STK33: variants seen among roughly 807,000 people sequenced by gnomAD.
The protein encoded by STK33 is serine/threonine-protein kinase 33.
Under a neutral mutation model 58.0 loss-of-function variants are expected in STK33, and 52 were observed. That is an observed-to-expected ratio of 0.90 (90% CI 0.72 to 1.13). The LOEUF (loss-of-function observed/expected upper bound fraction) is 1.13, where lower values mean the gene tolerates loss of function less well. Ranked by LOEUF, STK33 falls within the 50% of genes most tolerant of loss-of-function variation. The probability of loss-of-function intolerance (pLI) is 0.00; values close to 1 mark genes in which losing one functional copy is unlikely to be tolerated. For missense variants in STK33, 630 were observed against 604.2 expected, an observed-to-expected ratio of 1.04 and a Z score of -0.45; for synonymous variants, 215 against 200.1, an observed-to-expected ratio of 1.07 and a Z score of -0.63.
intron 11 of STK33, among the ~76,000 whole-genome samples, chr11:8,445,174 G>A (rs1435888060): frequency 6.6e-6 from 1 of 151,980 alleles, no homozygotes; most frequent in African/African-American, 2.4e-5. Flanking sequence ...CCTCGATTTG[G>A]CTCTCTGTCT....
chr11:8,525,597 G>A (rs973864395), intron 1 of STK33, among the ~76,000 whole-genome samples: 1 of 152,114 alleles, frequency 6.6e-6, no homozygotes, highest in African/African-American at 2.4e-5. Flanking sequence ...ATTAATTTCA[G>A]GCGGATTATA....
At chr11:8,371,278 G>A in the STK33 span, among the ~76,000 whole-genome samples, 2 of 152,102 alleles carry the variant, frequency 1.3e-5, no homozygotes, top group African/African-American at 4.8e-5. Flanking sequence ...AGGAAGAGGA[G>A]AGGAGGGACC....
intron 14 of STK33, among the ~76,000 whole-genome samples, chr11:8,434,510 T>C (rs796461416): frequency 3.1e-4 from 47 of 152,286 alleles, no homozygotes; most frequent in African/African-American, 9.6e-4. Context: ...ATTGTATTAA[T>C]TGAAATTAGG....
the STK33 span, among the ~76,000 whole-genome samples, chr11:8,348,592 CA>C: frequency 2.0e-5 from 3 of 152,134 alleles, no homozygotes; most frequent in Admixed American, 2.0e-4. Flanking sequence ...GGGATAGAGC[CA>C]AACCATCTCA....
chr11:8,425,860 T>G (rs2136020139), intron 14 of STK33, among the ~76,000 whole-genome samples: 1 of 152,262 alleles, frequency 6.6e-6, no homozygotes, highest in Non-Finnish European at 1.5e-5. Context: ...TCGCTTCTTC[T>G]GTGTCCCGCG....
the STK33 span, among the ~76,000 whole-genome samples, chr11:8,360,658 C>A: frequency 2.0e-5 from 3 of 152,198 alleles, no homozygotes; most frequent in Non-Finnish European, 4.4e-5. Flanking sequence ...CCTGCTATTG[C>A]GGCTGCAGGA....
At chr11:8,592,943 C>T (rs1338642667) in intron 1 of STK33, among the ~76,000 whole-genome samples, 3 of 152,120 alleles carry the variant, frequency 2.0e-5, no homozygotes, top group Middle Eastern at 3.2e-3. Context: ...TACTACTGGA[C>T]AACAGATCAT....
intron 1 of STK33, among the ~76,000 whole-genome samples, chr11:8,557,304 G>GGGA (rs1554999901): frequency 8.3e-6 from 1 of 121,000 alleles, no homozygotes; most frequent in Non-Finnish European, 1.7e-5. Context: ...GAAGAGGAGA[G>GGGA]GGAGGAGGAG....
chr11:8,371,734 TCCCTCCCTCCCTCTCTCCCTCCC>T, the STK33 span, among the ~76,000 whole-genome samples: 1 of 123,720 alleles, frequency 8.1e-6, no homozygotes, highest in Non-Finnish European at 1.8e-5. Flanking sequence ...CCTTCTTCTC[TCCCTCCCTCCCTCTCTCCCTCCC>T]TTCCTCTTTC....
At chr11:8,448,033 A>G (rs1945739378) in intron 11 of STK33, among the ~76,000 whole-genome samples, 1 of 152,188 alleles carries the variant, frequency 6.6e-6, no homozygotes, top group Non-Finnish European at 1.5e-5. Flanking sequence ...CCCATTCACA[A>G]TTGCTACAAA....
intron 14 of STK33, among the ~76,000 whole-genome samples, chr11:8,414,172 TA>T (rs1163626210): frequency 7.9e-5 from 12 of 152,222 alleles, no homozygotes; most frequent in Admixed American, 7.2e-4. Flanking sequence ...AGAATATAGA[TA>T]TTTAATTGGA....
At chr11:8,382,600 C>A in the STK33 span, among the ~76,000 whole-genome samples, 1 of 152,254 alleles carries the variant, frequency 6.6e-6, no homozygotes, top group African/African-American at 2.4e-5. Flanking sequence ...GGCGTGGGGA[C>A]ATGCAGCTTA....
intron 1 of STK33, among the ~76,000 whole-genome samples, chr11:8,588,929 CATTA>C (rs900191454): frequency 6.6e-6 from 1 of 152,022 alleles, no homozygotes; most frequent in Non-Finnish European, 1.5e-5. Flanking sequence ...ATCCTAACAC[CATTA>C]GTTATCAGGA....
intron 6 of STK33, 105 bp from the exon 7 acceptor site, chr11:8,464,927 C>T: frequency 1.5e-6 from 1 of 672,950 alleles, no homozygotes; most frequent in East Asian, 2.7e-5. Context: ...AGAGATTCTG[C>T]TCCAAGTTAA....
intron 2 of STK33, among the ~76,000 whole-genome samples, 194 bp downstream of exon 2, chr11:8,480,216 C>T (rs953130910): frequency 1.3e-4 from 20 of 152,284 alleles, no homozygotes; most frequent in Middle Eastern, 3.4e-3. Context: ...GAAAGACTAT[C>T]TCAGGGACTA....
chr11:8,529,720 G>A (rs182888614), intron 1 of STK33, among the ~76,000 whole-genome samples: 10 of 152,032 alleles, frequency 6.6e-5, no homozygotes, highest in Admixed American at 6.6e-4. Context: ...CGTTAAAGAT[G>A]AAAAAAAGGG....
At chr11:8,532,516 A>G (rs1405868868) in intron 1 of STK33, among the ~76,000 whole-genome samples, 1 of 152,182 alleles carries the variant, frequency 6.6e-6, no homozygotes. Flanking sequence ...ATTATACCTC[A>G]TTATATTTTC....
chr11:8,341,058 A>G, the STK33 span, among the ~76,000 whole-genome samples: 1 of 152,092 alleles, frequency 6.6e-6, no homozygotes, highest in Non-Finnish European at 1.5e-5. Flanking sequence ...GGGTTTCATC[A>G]TGTTGGCCAG....
chr11:8,379,592 G>GT, the STK33 span, among the ~76,000 whole-genome samples: 1 of 151,998 alleles, frequency 6.6e-6, no homozygotes, highest in Admixed American at 6.6e-5. Flanking sequence ...CCACAATGAG[G>GT]TACCACATTA....
Sources: gnomAD v4.1 joint callset for allele counts (sites outside exome capture counted in the v4.1 genomes callset) on GRCh38, gnomAD v4.1.1 for gene constraint, MANE v1.5 for transcripts, NCBI Gene and HGNC (gene_info 2026-07-23, HGNC 2026-07-21) for gene names.